ARHGAP15: variants seen among roughly 807,000 people sequenced by gnomAD.
The protein encoded by ARHGAP15 is rho GTPase-activating protein 15.
Under a neutral mutation model 63.7 loss-of-function variants are expected in ARHGAP15, and 51 were observed. The ratio of observed to expected loss-of-function variants is 0.80; its 90% CI spans 0.64 to 1.01. ARHGAP15 has a LOEUF of 1.01. Ranked by LOEUF, ARHGAP15 falls within the 50% of genes least tolerant of loss-of-function variation. The pLI, the probability that ARHGAP15 is intolerant of heterozygous loss-of-function variation, is 0.00. For synonymous variants in ARHGAP15, 191 were observed against 193.8 expected, an observed-to-expected ratio of 0.99 and a Z score of 0.12; for missense variants, 560 against 564.6, an observed-to-expected ratio of 0.99 and a Z score of 0.08.
intron 12 of ARHGAP15, among the ~76,000 whole-genome samples, chr2:143,659,666 T>A (rs970284563): frequency 1.3e-5 from 2 of 152,192 alleles, no homozygotes; most frequent in African/African-American, 4.8e-5. Flanking sequence ...GTGGAGACAT[T>A]AAGGAGTTGT....
intron 13 of ARHGAP15, among the ~76,000 whole-genome samples, chr2:143,766,324 T>C (rs564262969): frequency 3.3e-5 from 5 of 152,298 alleles, no homozygotes; most frequent in South Asian, 4.1e-4. Flanking sequence ...ACTCCTCCCT[T>C]TGTCCAGAGT....
At chr2:143,747,384 TTA>T (rs1243557069) in intron 13 of ARHGAP15, among the ~76,000 whole-genome samples, 2 of 151,024 alleles carry the variant, frequency 1.3e-5, no homozygotes, top group Admixed American at 6.6e-5. Context: ...TATTGAGACA[TTA>T]ATTAAAGTCC....
chr2:143,180,103 T>G (rs564342187), intron 2 of ARHGAP15, among the ~76,000 whole-genome samples: 60 of 152,326 alleles, frequency 3.9e-4, no homozygotes, highest in Non-Finnish European at 7.1e-4. Flanking sequence ...TTTACCACAT[T>G]GGTTGCCTCT....
intron 12 of ARHGAP15, among the ~76,000 whole-genome samples, chr2:143,643,304 G>A (rs865966416): frequency 5.3e-5 from 8 of 152,056 alleles, no homozygotes; most frequent in South Asian, 2.1e-4. Flanking sequence ...TGGGACCCAT[G>A]CATGGATATG....
At chr2:143,571,510 T>C (rs1469304416) in intron 11 of ARHGAP15, among the ~76,000 whole-genome samples, 2 of 152,190 alleles carry the variant, frequency 1.3e-5, no homozygotes, top group Admixed American at 1.3e-4. Context: ...ATTATGTGTT[T>C]CCTGGTAATT....
chr2:143,485,006 C>T (rs1410098117), intron 8 of ARHGAP15, among the ~76,000 whole-genome samples: 1 of 152,156 alleles, frequency 6.6e-6, no homozygotes. Flanking sequence ...TTGGTCTTGC[C>T]TAAATTACCC....
At chr2:143,553,370 T>A (rs1312854420) in intron 10 of ARHGAP15, among the ~76,000 whole-genome samples, 2 of 152,212 alleles carry the variant, frequency 1.3e-5, no homozygotes, top group Non-Finnish European at 2.9e-5. Context: ...ACTCACAAGA[T>A]ATATAGTGTT....
chr2:143,190,119 ATAT>A (rs1414809984), intron 2 of ARHGAP15, among the ~76,000 whole-genome samples: 2 of 152,232 alleles, frequency 1.3e-5, no homozygotes, highest in African/African-American at 2.4e-5. Context: ...TATATTGCAC[ATAT>A]TATTCAATGT....
At chr2:143,528,260 A>G (rs765806688) in intron 10 of ARHGAP15, among the ~76,000 whole-genome samples, 1 of 152,078 alleles carries the variant, frequency 6.6e-6, no homozygotes, top group Non-Finnish European at 1.5e-5. Flanking sequence ...GCTTAGGCTC[A>G]GTTCCCATAA....
chr2:143,632,937 C>T (rs560342310), intron 12 of ARHGAP15, among the ~76,000 whole-genome samples: 8 of 152,220 alleles, frequency 5.3e-5, no homozygotes, highest in South Asian at 2.1e-4. Context: ...TGACTAAAAA[C>T]GGTTGCTAAA....
chr2:143,249,786 T>C (rs1237005524), intron 5 of ARHGAP15, among the ~76,000 whole-genome samples: 2 of 152,138 alleles, frequency 1.3e-5, no homozygotes, highest in Non-Finnish European at 2.9e-5. Context: ...AAACATCTTT[T>C]AAGTAATACC....
At chr2:143,453,537 A>G (rs1239652735) in intron 8 of ARHGAP15, among the ~76,000 whole-genome samples, 1 of 152,042 alleles carries the variant, frequency 6.6e-6, no homozygotes, top group Non-Finnish European at 1.5e-5. Context: ...TAGTATTTGG[A>G]AAAGTTCTCC....
chr2:143,565,376 A>G (rs1328410883), intron 11 of ARHGAP15, among the ~76,000 whole-genome samples: 1 of 152,172 alleles, frequency 6.6e-6, no homozygotes, highest in Non-Finnish European at 1.5e-5. Context: ...GGGGATTATA[A>G]GAGTAGGAAA....
At chr2:143,471,347 G>A (rs1342205477) in intron 8 of ARHGAP15, among the ~76,000 whole-genome samples, 1 of 151,006 alleles carries the variant, frequency 6.6e-6, no homozygotes, top group Non-Finnish European at 1.5e-5. Context: ...AAGATTATCT[G>A]GGACCAGAGT....
chr2:143,205,927 C>A (rs1476975271), intron 3 of ARHGAP15, among the ~76,000 whole-genome samples: 1 of 152,064 alleles, frequency 6.6e-6, no homozygotes, highest in African/African-American at 2.4e-5. Context: ...CCTATCATCC[C>A]CCCCACTGAT....
intron 13 of ARHGAP15, among the ~76,000 whole-genome samples, chr2:143,718,360 C>T (rs542565579): frequency 6.6e-6 from 1 of 152,208 alleles, no homozygotes; most frequent in African/African-American, 2.4e-5. Context: ...CTTGGTCAGG[C>T]CATTGGGAAA....
chr2:143,293,893 A>C (rs1055485550), intron 6 of ARHGAP15, among the ~76,000 whole-genome samples: 1 of 152,034 alleles, frequency 6.6e-6, no homozygotes, highest in Non-Finnish European at 1.5e-5. Flanking sequence ...TTCAGTTTGA[A>C]AGTTCTATAG....
Position 143,446,612 on chromosome 2 carries a change from A to T in ARHGAP15, c.703+9570A>T, listed in dbSNP as rs538701206. Among the ~76,000 whole-genome samples, 14 of 151,610 alleles carry T rather than the reference A, an allele frequency of 9.2e-5. No homozygotes were observed. The South Asian group carries it at 1.0e-3, about 11-fold the overall frequency. On this transcript the variant is annotated intron_variant, in intron 8 of 13. Transcript: ENST00000295095. ...AATCTCTAGAGATTAAAGTTTGTCA[A>T]GTGTCTGTTGCCATTTCCATTCTTT...
intron 6 of ARHGAP15, among the ~76,000 whole-genome samples, chr2:143,417,206 AGCCTACAATAATAT>A (rs1179301317): frequency 4.6e-5 from 7 of 151,990 alleles, no homozygotes; most frequent in Non-Finnish European, 7.4e-5. Context: ...TAATTGCTGC[AGCCTACAATAATAT>A]GCTCATTACT....
Sources: gnomAD v4.1 joint callset for allele counts (sites outside exome capture counted in the v4.1 genomes callset) on GRCh38, gnomAD v4.1.1 for gene constraint, MANE v1.5 for transcripts, NCBI Gene and HGNC (gene_info 2026-07-23, HGNC 2026-07-21) for gene names.